ABCC5: variants seen among roughly 807,000 people sequenced by gnomAD.
ABCC5 encodes ATP binding cassette subfamily C member 5, also known as ATP-binding cassette sub-family C member 5.
Under a neutral mutation model 160.9 loss-of-function variants are expected in ABCC5, and 61 were observed. That is an observed-to-expected ratio of 0.38 (90% CI 0.31 to 0.47). The LOEUF (loss-of-function observed/expected upper bound fraction) is 0.47, where lower values mean the gene tolerates loss of function less well. Ranked by LOEUF, ABCC5 falls within the 20% of genes least tolerant of loss-of-function variation. The pLI is 0.99. For missense variants in ABCC5, 1,308 were observed against 1,813.3 expected (o/e 0.72, Z 5.06); for synonymous variants, 666 against 700.6 (o/e 0.95, Z 0.78).
At chr3:183,977,688 C>T (rs921518304) in intron 9 of ABCC5, 64 bp from the exon 10 acceptor site, 4 of 1,114,018 alleles carry the variant, frequency 3.6e-6, no homozygotes, top group African/African-American at 3.2e-5. Context: ...TAACCTGACA[C>T]CATGAATTTC....
intron 17 of ABCC5, among the ~76,000 whole-genome samples, chr3:183,959,207 A>G: frequency 6.6e-6 from 1 of 152,198 alleles, no homozygotes; most frequent in Admixed American, 6.5e-5. Context: ...AGGGTTTAAG[A>G]AACAGGATCA....
intron 26 of ABCC5, among the ~76,000 whole-genome samples, chr3:183,936,322 G>A (rs1713716276): frequency 6.6e-6 from 1 of 152,122 alleles, no homozygotes; most frequent in African/African-American, 2.4e-5. Flanking sequence ...AAGCCACCCA[G>A]TCTATGGTAT....
At chr3:184,008,846 TTTTC>T (rs1030505433) in intron 2 of ABCC5, among the ~76,000 whole-genome samples, 1 of 151,840 alleles carries the variant, frequency 6.6e-6, no homozygotes, top group Non-Finnish European at 1.5e-5. Flanking sequence ...ACACCATTTC[TTTTC>T]TTTCTTTCTT....
rs1180292002 is a variant in ABCC5 at position 183,949,561 on chromosome 3, T to G, written c.3227+192A>C. Among the ~76,000 whole-genome samples, 2 of 152,266 alleles carry G rather than the reference T, an allele frequency of 1.3e-5. No individual in the cohort carries two copies. Among genetic ancestry groups the G allele is most frequent in the Admixed American group, 6.5e-5 (1 of 15,292 alleles). Reference sequence around the variant, plus strand: ...ATGCGGCCCAAATCTGTATTTCTGTTTTCTCACTTGCTCAGAAAGGAGTCC... The same window carrying G: ...ATGCGGCCCAAATCTGTATTTCTGTGTTCTCACTTGCTCAGAAAGGAGTCC... On this transcript the variant is annotated intron_variant, in intron 22 of 29. Transcript: ENST00000334444. This position sits in a 1 kb window ranked among gnomAD's most constrained non-coding sequence, Gnocchi z 4.2.
chr3:183,961,390 C>T, intron 16 of ABCC5, 121 bp downstream of exon 16: 1 of 1,272,828 alleles, frequency 7.9e-7, no homozygotes, highest in Non-Finnish European at 1.1e-6. Context: ...CACCAGAAAA[C>T]AGGGCCCCTG....
chr3:183,943,050 G>C, intron 24 of ABCC5, 134 bp from the exon 25 acceptor site: 1 of 844,438 alleles, frequency 1.2e-6, no homozygotes, highest in Non-Finnish European at 1.8e-6. Context: ...ACCTTGCTAG[G>C]AAAGAATCCC....
At chr3:183,960,741 G>A (rs140252589) in intron 16 of ABCC5, among the ~76,000 whole-genome samples, 139 of 152,074 alleles carry the variant, frequency 9.1e-4, no homozygotes, top group Admixed American at 2.5e-3. Context: ...GGTTCTACCT[G>A]AGATAACAGA....
rs149994860 is a variant in ABCC5, at chr3:183,923,016, G to A, written c.4213-1615C>T. 1.4e-3 allele frequency among the ~76,000 whole-genome samples: 219 copies of A among 152,264 alleles called. 4 individuals carry two copies. Among genetic ancestry groups the A allele is most frequent in the Admixed American group, 0.013 (196 of 15,288 alleles). On this transcript the variant is annotated intron_variant, in intron 29 of 29. Coordinates refer to ENST00000334444, the MANE Select transcript of ABCC5 (RefSeq NM_005688.4). The stretch of plus-strand genomic sequence containing the variant: ...TTTTAGTCTGGTATTTTGTGTCTGC[G>A]GCAGAGAGCATCCCATCTGTTGGAG...
Position 183,988,496 on chromosome 3 carries a change from C to T in ABCC5, c.443+76G>A. 1 of 1,527,216 alleles carries T rather than the reference C, an allele frequency of 6.5e-7. No homozygotes were observed. Among genetic ancestry groups the T allele is most frequent in the Non-Finnish European group, 8.8e-7 (1 of 1,139,936 alleles). 94.6% of individuals were successfully genotyped at this position (1,527,216 alleles called of 1,614,324 possible). ...AGCTCGGCTCTTTAAAGACACAGAG[C>T]TGTGGACTTCACACTCCTAGCTCAG... On this transcript the variant is annotated intron_variant, in intron 4 of 29. Transcript: ENST00000334444. The surrounding 1 kb of genome is among the most constrained non-coding windows in gnomAD (Gnocchi z 4.4).
intron 22 of ABCC5, among the ~76,000 whole-genome samples, chr3:183,948,103 T>A (rs1559994844): frequency 6.6e-6 from 1 of 152,226 alleles, no homozygotes; most frequent in African/African-American, 2.4e-5. Context: ...CGGCCATCAG[T>A]AGGGGTCCCA....
rs1480720598 is a variant in ABCC5 at position 183,949,950 on chromosome 3, G to A, written c.3098+22C>T. On this transcript the variant is annotated intron_variant, in intron 21 of 29. Transcript: ENST00000334444. This position sits in a 1 kb window ranked among gnomAD's most constrained non-coding sequence, Gnocchi z 4.2. ...CTGAGGCTTCTCCGTGGCCCCAGCA[G>A]ACATGAACGCTTCCTATTTACCTGG... 3 of 1,614,124 alleles carry A rather than the reference G, an allele frequency of 1.9e-6. No homozygotes were observed. The highest frequency in any genetic ancestry group is 4.5e-5 in the East Asian group (2 of 44,888).
intron 23 of ABCC5, 51 bp downstream of exon 23, chr3:183,947,273 A>G: frequency 6.6e-7 from 1 of 1,512,196 alleles, no homozygotes. Context: ...TTACGTCAGC[A>G]GAGGAAGGGC....
chr3:183,972,916 G>A (rs1717891940), intron 10 of ABCC5, among the ~76,000 whole-genome samples: 1 of 152,184 alleles, frequency 6.6e-6, no homozygotes, highest in South Asian at 2.1e-4. Context: ...AAAGTGCTGG[G>A]ATTACAGGCG....
chr3:183,968,620 T>C (rs1717448161), intron 11 of ABCC5, among the ~76,000 whole-genome samples: 1 of 152,230 alleles, frequency 6.6e-6, no homozygotes, highest in Non-Finnish European at 1.5e-5. Context: ...AAGTCTATGA[T>C]TAACTGAGTA....
chr3:184,012,275 T>C (rs1721819446), intron 2 of ABCC5, among the ~76,000 whole-genome samples: 1 of 152,080 alleles, frequency 6.6e-6, no homozygotes. Flanking sequence ...TTCCAATAGT[T>C]CCCTAATGCC....
intron 25 of ABCC5, 136 bp downstream of exon 25, chr3:183,942,591 G>A: frequency 9.1e-7 from 1 of 1,102,442 alleles, no homozygotes. Context: ...AATAAACCTA[G>A]AAAATTGGTT....
At chr3:183,996,089 A>G (rs7632670) in intron 2 of ABCC5, among the ~76,000 whole-genome samples, 95,492 of 152,000 alleles carry the variant, frequency 0.63, 30,956 homozygotes, top group East Asian at 0.85. Flanking sequence ...TTACAGGTGT[A>G]AGCCACCGTG....
intron 25 of ABCC5, among the ~76,000 whole-genome samples, chr3:183,941,097 T>TG (rs1198846740): frequency 6.6e-6 from 1 of 152,180 alleles, no homozygotes; most frequent in Non-Finnish European, 1.5e-5. Flanking sequence ...TGACGTCAGG[T>TG]GATCCACCAG....
intron 2 of ABCC5, among the ~76,000 whole-genome samples, chr3:184,013,756 G>C (rs1475181780): frequency 6.6e-6 from 1 of 152,204 alleles, no homozygotes; most frequent in Admixed American, 6.5e-5. Context: ...AGAATGCTCA[G>C]AACAGACCGG....
Sources: gnomAD v4.1 joint callset for allele counts (sites outside exome capture counted in the v4.1 genomes callset) on GRCh38, gnomAD v4.1.1 for gene constraint, Gnocchi (gnomAD v3.1) non-coding constraint, MANE v1.5 for transcripts, NCBI Gene and HGNC (gene_info 2026-07-23, HGNC 2026-07-21) for gene names.